Variants in SEC16A observed in about 807,000 individuals in gnomAD.
SEC16A encodes the protein protein transport protein Sec16A.
A neutral mutation model predicts 221.9 loss-of-function variants in SEC16A; 110 were observed. That is an observed-to-expected ratio of 0.50 (90% CI 0.42 to 0.58). The LOEUF is 0.58. Ranked by LOEUF, SEC16A falls within the 20% of genes least tolerant of loss-of-function variation. The probability of loss-of-function intolerance (pLI) is 0.00; values close to 1 mark genes in which losing one functional copy is unlikely to be tolerated. For missense variants in SEC16A, 3,165 were observed against 3,097.8 expected, an observed-to-expected ratio of 1.02 and a Z score of -0.52; for synonymous variants, 1,393 against 1,257.7, an observed-to-expected ratio of 1.11 and a Z score of -2.28.
rs1356766004 is a variant in SEC16A, at chr9:136,459,899, A to C, written c.5074-25T>G. The C allele has an allele frequency of 1.3e-6, 2 of 1,597,584 alleles. No individual in the cohort carries two copies. The highest frequency in any genetic ancestry group is 2.7e-5 in the African/African-American group (2 of 74,588). On this transcript the variant is annotated intron_variant, in intron 14 of 31. Coordinates refer to ENST00000684901, the MANE Select transcript of SEC16A (RefSeq NM_014866.2). This position sits in a 1 kb window ranked among gnomAD's most constrained non-coding sequence, Gnocchi z 6.1. ...ACTAACATGAGGAAAAACAAAACGA[A>C]GCCTCATCCCCGGAAGCCAGCGCCA...
At chr9:136,467,408 T>A (rs2132560713) in intron 5 of SEC16A, among the ~76,000 whole-genome samples, 1 of 152,364 alleles carries the variant, frequency 6.6e-6, no homozygotes, top group Admixed American at 6.5e-5. Context: ...TCTTACTATG[T>A]TTCGCAGGCT....
At position 136,474,035 on chromosome 9, in the gene SEC16A, G is replaced by A. The variant is rs755749762; in HGVS notation, c.3567+14C>T. ...AGACAGAAAAGTGGGTTACACATACGACTCGACTCTTACCTGGTAATAGAG... is the reference window on the plus strand; with the variant it reads ...AGACAGAAAAGTGGGTTACACATACAACTCGACTCTTACCTGGTAATAGAG... On this transcript the variant is annotated intron_variant, in intron 3 of 31. Transcript: ENST00000684901. The A allele has an allele frequency of 2.3e-5, 37 of 1,583,816 alleles. No homozygotes were observed. Among genetic ancestry groups the A allele is most frequent in the East Asian group, 1.1e-4 (5 of 44,512 alleles).
chr9:136,484,551 C>G, upstream of SEC16A: 1 of 1,306,674 alleles, frequency 7.7e-7, no homozygotes, highest in Non-Finnish European at 1.0e-6. Context: ...GGTGGGGGTG[C>G]CCGCCCGATG....
chr9:136,475,835 G>C lies in SEC16A; in HGVS notation c.1781C>G (p.Pro594Arg), dbSNP rs753737220. The C allele has an allele frequency of 1.3e-6, 2 of 1,584,452 alleles. No homozygotes were observed. Among genetic ancestry groups the C allele is most frequent in the Admixed American group, 3.7e-5 (2 of 54,256 alleles). The stretch of plus-strand genomic sequence containing the variant: ...TATTCCTGTAGGTTTCGGGGGGCTC[G>C]GGGTTGAGGGCTGGGACACGCTGCC... ...YRGSVSQPST[P>R]SPPKPTGIFQ... is the part of the protein sequence containing the mutation. The change falls in exon 3 of 32, where the codon CCG (proline) becomes CGG (arginine). Residue 594 changes from proline to arginine, a missense_variant. Around this residue, in one of 3 missense-constraint regions of SEC16A, gnomAD observed 2,030 missense variants for 1,923.1 expected, o/e 1.06. Coordinates refer to ENST00000684901, the MANE Select transcript of SEC16A (RefSeq NM_014866.2). The surrounding 1 kb of genome is among the most constrained non-coding windows in gnomAD (Gnocchi z 5.0).
intron 20 of SEC16A, 29 bp downstream of exon 20, chr9:136,455,572 G>A (rs1338771824): frequency 6.6e-7 from 1 of 1,521,992 alleles, no homozygotes. Flanking sequence ...GGGCTTGTCT[G>A]AGGGCAGCAG....
chr9:136,477,936 C>T (rs867510845), intron 2 of SEC16A, among the ~76,000 whole-genome samples: 5 of 152,126 alleles, frequency 3.3e-5, no homozygotes, highest in African/African-American at 9.7e-5. Context: ...TAGATGGCCA[C>T]TCCCTCCCCT....
At chr9:136,458,923 A>C (rs1483056404) in intron 17 of SEC16A, among the ~76,000 whole-genome samples, 2 of 152,198 alleles carry the variant, frequency 1.3e-5, no homozygotes, top group Non-Finnish European at 2.9e-5. Flanking sequence ...AAGCTCATGA[A>C]AATAATTGAA....
At chr9:136,480,763 G>A (rs1422533952) in intron 1 of SEC16A, among the ~76,000 whole-genome samples, 2 of 152,030 alleles carry the variant, frequency 1.3e-5, no homozygotes, top group South Asian at 2.1e-4. Context: ...GGTGGCGGGC[G>A]CCTGTAATCC....
intron 8 of SEC16A, 77 bp from the exon 9 acceptor site, chr9:136,464,639 ACACAGCTTAAAT>A: frequency 7.7e-7 from 1 of 1,303,254 alleles, no homozygotes; most frequent in South Asian, 1.3e-5. Context: ...CAATGTGCTC[ACACAGCTTAAAT>A]CACAGGTTAG....
chr9:136,468,722 A>G (rs539951073), intron 4 of SEC16A, among the ~76,000 whole-genome samples: 1 of 152,352 alleles, frequency 6.6e-6, no homozygotes, highest in South Asian at 2.1e-4. Context: ...TGGTAAAATA[A>G]CTAAGAGCCG....
chr9:136,479,656 C>T (rs1451658150), intron 1 of SEC16A, among the ~76,000 whole-genome samples: 2 of 152,142 alleles, frequency 1.3e-5, no homozygotes, highest in Non-Finnish European at 2.9e-5. Flanking sequence ...CTGGCCAATC[C>T]ACACATCTTT....
At position 136,448,153 on chromosome 9, in the gene SEC16A, G is replaced by C. The variant is rs763046623; in HGVS notation, c.6321C>G (p.Ser2107=). Residue 2107 remains serine (S), a synonymous_variant, in exon 24 of 32, where the codon TCC becomes TCG. Transcript: ENST00000684901. ...KETKEPKKGE[S]WFFRWLPGKK... ...TTCCAGGTAGCCAACGAAAGAACCAGGATTCACCCTAAATATAAAAAACAC... is the reference window on the plus strand; with the variant it reads ...TTCCAGGTAGCCAACGAAAGAACCACGATTCACCCTAAATATAAAAAACAC... The C allele has an allele frequency of 3.7e-6, 6 of 1,613,144 alleles. No homozygotes were observed. The Admixed American group carries it at 1.0e-4, about 27-fold the overall frequency.
In SEC16A at chr9:136,482,936, A is replaced by C. The variant is rs1339070115; in HGVS notation, c.-192+2T>G. 1.0e-6 allele frequency: 1 copy of C among 974,280 alleles called. No homozygotes were observed. The highest frequency in any genetic ancestry group is 1.8e-5 in the African/African-American group (1 of 54,548). The allele number at this position is 974,280 out of a possible 1,614,324, so 60.4% of individuals were successfully genotyped here. On this transcript the variant is annotated splice_donor_variant, in intron 1 of 31. Coordinates refer to ENST00000684901, the MANE Select transcript of SEC16A (RefSeq NM_014866.2). LOFTEE classifies it low-confidence loss of function (5UTR_SPLICE). ...CCCCCTCACCCGCGCTCGCCCCCTCACCCGCGCGGCTGAGACCGATCCCTC... is the reference window on the plus strand; with the variant it reads ...CCCCCTCACCCGCGCTCGCCCCCTCCCCCGCGCGGCTGAGACCGATCCCTC...
At position 136,445,706 on chromosome 9, in the gene SEC16A, G is replaced by T. The variant is rs199987574; in HGVS notation, c.6806C>A (p.Ala2269Glu). The T allele has an allele frequency of 1.3e-6, 2 of 1,553,284 alleles. No individual in the cohort carries two copies. The highest frequency in any genetic ancestry group is 2.0e-5 in the Admixed American group (1 of 50,778). Residue 2269 changes from alanine to glutamate, a missense_variant, in exon 29 of 32, where the codon GCA becomes GAA. Transcript: ENST00000684901. ...PAPEPKVLSS[A>E]ASLPGSELPS... is the part of the protein sequence containing the mutation. ...GAGTTCAGAGCCAGGGAGTGACGCTGCAGAGCTTAAAACCTGCCGAGGAAA... is the reference window on the plus strand; with the variant it reads ...GAGTTCAGAGCCAGGGAGTGACGCTTCAGAGCTTAAAACCTGCCGAGGAAA...
rs114480732 is a variant in SEC16A, at chr9:136,457,489, C to T, written c.5505G>A (p.Thr1835=). 25,748 of 1,608,526 alleles carry T rather than the reference C, an allele frequency of 0.016. 270 individuals are homozygous for T. The highest frequency in any genetic ancestry group is 0.019 in the Non-Finnish European group (22,726 of 1,177,486). The change falls in exon 18 of 32, where the codon ACG becomes ACA. Residue 1835 remains threonine (T), a synonymous_variant. Transcript: ENST00000684901. ...YCEAIAKSIL[T]QPHLYSPVLI... is the part of the protein sequence containing the mutation. The stretch of plus-strand genomic sequence containing the variant: ...ACACCGGGGAATACAGGTGCGGCTG[C>T]GTCAGGATGCTCTTCGCGATGGCCT...
chr9:136,482,210 A>G (rs529895489), intron 1 of SEC16A, among the ~76,000 whole-genome samples: 9 of 152,362 alleles, frequency 5.9e-5, no homozygotes, highest in African/African-American at 2.2e-4. Flanking sequence ...TTGCAAAAGT[A>G]TCACTTCTAG....
chr9:136,459,350 A>G lies in SEC16A; in HGVS notation c.5303+94T>C. 3 of 1,408,808 alleles carry G rather than the reference A, an allele frequency of 2.1e-6. No individual in the cohort carries two copies. The allele number at this position is 1,408,808 out of a possible 1,614,324, so 87.3% of individuals were successfully genotyped here. A position where few individuals can be genotyped will look rare whatever the true frequency, so the allele number is the denominator to read the frequency against. ...GTCCCACCACGTGACAAATAAAGAC[A>G]TGATTCTGGCCATTTCTGAATTCAC... On this transcript the variant is annotated intron_variant, in intron 16 of 31. Coordinates refer to ENST00000684901, the MANE Select transcript of SEC16A (RefSeq NM_014866.2). This position sits in a 1 kb window ranked among gnomAD's most constrained non-coding sequence, Gnocchi z 6.1.
At chr9:136,479,024 G>A (rs1841999463) in intron 1 of SEC16A, among the ~76,000 whole-genome samples, 194 bp from the exon 2 acceptor site, 1 of 152,110 alleles carries the variant, frequency 6.6e-6, no homozygotes, top group Admixed American at 6.6e-5. Context: ...AACTGTGCCT[G>A]GAATGGAAAC....
At position 136,483,032 on chromosome 9, in the gene SEC16A, G is replaced by T. The variant is rs1842614595; in HGVS notation, c.-286C>A. 2.0e-6 allele frequency: 2 copies of T among 985,022 alleles called. No homozygotes were observed. The highest frequency in any genetic ancestry group is 1.7e-5 in the African/African-American group (1 of 57,184). The allele number at this position is 985,022 out of a possible 1,614,324, so 61.0% of individuals were successfully genotyped here. A position where few individuals can be genotyped will look rare whatever the true frequency, so the allele number is the denominator to read the frequency against. On this transcript the variant is annotated 5_prime_UTR_variant, in exon 1 of 32. Transcript: ENST00000684901. ...ACACCTCAGCCGCCGCAGCCATCTT[G>T]GCACATCCGGCTCGGGTCTCCGCGG...
Sources: allele counts gnomAD v4.1 joint callset (sites outside exome capture counted in the v4.1 genomes callset), GRCh38; gene constraint gnomAD v4.1.1; regional missense constraint gnomAD v4.1.1; non-coding constraint Gnocchi (gnomAD v3.1); transcripts MANE v1.5; gene names NCBI Gene and HGNC (gene_info 2026-07-23, HGNC 2026-07-21).